WWC1: variants seen among roughly 807,000 people sequenced by gnomAD.
WWC1 encodes protein KIBRA.
Under a neutral mutation model 138.4 loss-of-function variants are expected in WWC1, and 55 were observed. The ratio of observed to expected loss-of-function variants is 0.40; its 90% confidence interval spans 0.32 to 0.50. WWC1 has a LOEUF of 0.50. Among genes scored for constraint, WWC1 ranks in the 20% least tolerant of loss-of-function variants. The pLI is 0.72. For synonymous variants in WWC1, 524 were observed against 564.9 expected, an observed-to-expected ratio of 0.93 and a Z score of 1.03; for missense variants, 1,226 against 1,420.4, an observed-to-expected ratio of 0.86 and a Z score of 2.20.
At chr5:168,414,768 A>G in intron 9 of WWC1, 178 bp downstream of exon 9, 6 of 940,084 alleles carry the variant, frequency 6.4e-6, no homozygotes, top group Non-Finnish European at 9.1e-6. Context: ...TTTGCCATCC[A>G]GTGCGCCAGC....
intron 9 of WWC1, among the ~76,000 whole-genome samples, chr5:168,417,740 G>C (rs899858219): frequency 6.6e-6 from 1 of 152,216 alleles, no homozygotes; most frequent in Non-Finnish European, 1.5e-5. Flanking sequence ...GCAGCTCGGA[G>C]GGCCTGGTAG....
chr5:168,454,807 T>C (rs1756160132), intron 18 of WWC1, among the ~76,000 whole-genome samples: 1 of 152,240 alleles, frequency 6.6e-6, no homozygotes, highest in Non-Finnish European at 1.5e-5. Context: ...ATAAAGGTAC[T>C]ATTTAGGCTG....
chr5:168,408,493 C>T lies in WWC1; in HGVS notation c.721-14C>T, dbSNP rs771548046. The T allele has an allele frequency of 1.7e-5, 27 of 1,613,582 alleles. No homozygotes were observed. Among genetic ancestry groups the T allele is most frequent in the Non-Finnish European group, 2.3e-5 (27 of 1,179,770 alleles). ...GGGAAGGCGCATCACTAACCCTGCT[C>T]TCCCCTCCTTCAGAGCCTTGCCATG... On this transcript the variant is annotated splice_polypyrimidine_tract_variant and intron_variant, in intron 6 of 22. Coordinates refer to ENST00000265293, the MANE Select transcript of WWC1 (RefSeq NM_015238.3).
intron 5 of WWC1, 114 bp from the exon 6 acceptor site, chr5:168,406,084 C>G (rs914107978): frequency 1.5e-6 from 2 of 1,331,398 alleles, no homozygotes; most frequent in African/African-American, 2.9e-5. Flanking sequence ...GTTAGCAGGA[C>G]AGAGGGAGGG....
At chr5:168,423,149 CAAAAA>C (rs773855632) in intron 10 of WWC1, among the ~76,000 whole-genome samples, 3 of 71,300 alleles carry the variant, frequency 4.2e-5, no homozygotes, top group South Asian at 5.5e-4. Flanking sequence ...CATCCCCCCC[CAAAAA>C]AAAAAAAAAA....
intron 2 of WWC1, among the ~76,000 whole-genome samples, chr5:168,374,346 G>A (rs1204250821): frequency 6.6e-6 from 1 of 152,190 alleles, no homozygotes; most frequent in African/African-American, 2.4e-5. Context: ...GCGAAGAAAG[G>A]GCCGTGGTAA....
intron 1 of WWC1, among the ~76,000 whole-genome samples, chr5:168,299,137 A>G (rs1487790195): frequency 6.6e-6 from 1 of 152,206 alleles, no homozygotes; most frequent in African/African-American, 2.4e-5. Flanking sequence ...TGTTGCATCC[A>G]GGACTGGAGC....
intron 1 of WWC1, among the ~76,000 whole-genome samples, chr5:168,324,264 T>C (rs1772353845): frequency 6.6e-6 from 1 of 152,090 alleles, no homozygotes; most frequent in Non-Finnish European, 1.5e-5. Context: ...GGAAACCCTG[T>C]CTCTACTAAA....
intron 3 of WWC1, among the ~76,000 whole-genome samples, chr5:168,393,881 T>C (rs1293568155): frequency 1.3e-5 from 2 of 152,140 alleles, no homozygotes; most frequent in Admixed American, 1.3e-4. Flanking sequence ...GTTGAATTAG[T>C]GGTAAGTTTG....
chr5:168,365,760 A>G (rs1776242930), intron 1 of WWC1, among the ~76,000 whole-genome samples: 1 of 152,218 alleles, frequency 6.6e-6, no homozygotes, highest in Non-Finnish European at 1.5e-5. Context: ...CCGTTTTTCC[A>G]GGAGGGCCTG....
At chr5:168,371,290 C>T in intron 1 of WWC1, 134 bp from the exon 2 acceptor site, 2 of 619,108 alleles carry the variant, frequency 3.2e-6, no homozygotes, top group Non-Finnish European at 5.9e-6. Flanking sequence ...GACAACAGAG[C>T]TGGTGCTGCT....
chr5:168,414,724 T>G, intron 9 of WWC1, 134 bp downstream of exon 9: 1 of 1,282,188 alleles, frequency 7.8e-7, no homozygotes, highest in Non-Finnish European at 1.0e-6. Context: ...CAGAGATCTC[T>G]CAGGTTGCCG....
chr5:168,441,421 T>A (rs1754747026), intron 15 of WWC1, among the ~76,000 whole-genome samples: 1 of 152,210 alleles, frequency 6.6e-6, no homozygotes, highest in Non-Finnish European at 1.5e-5. Flanking sequence ...AAGGTTTTTT[T>A]ATCACAGTTT....
intron 1 of WWC1, among the ~76,000 whole-genome samples, chr5:168,369,515 A>T (rs540444171): frequency 1.3e-5 from 2 of 152,120 alleles, no homozygotes; most frequent in East Asian, 3.9e-4. Context: ...CAGTTCTTCC[A>T]CCTCAGCCTC....
intron 15 of WWC1, among the ~76,000 whole-genome samples, chr5:168,435,319 C>T (rs1042088963): frequency 9.2e-5 from 14 of 152,176 alleles, no homozygotes; most frequent in Non-Finnish European, 1.6e-4. Flanking sequence ...GCAGCCATTC[C>T]GCTCTTTCCT....
At chr5:168,335,952 G>A (rs77184649) in intron 1 of WWC1, among the ~76,000 whole-genome samples, 1,763 of 152,296 alleles carry the variant, frequency 0.012, 34 homozygotes, top group African/African-American at 0.04. Context: ...GTGTCACTTA[G>A]AGCAAATCGC....
intron 3 of WWC1, among the ~76,000 whole-genome samples, chr5:168,394,414 A>C (rs1778732428): frequency 6.6e-6 from 1 of 152,252 alleles, no homozygotes; most frequent in African/African-American, 2.4e-5. Context: ...TAGTATTTAA[A>C]GTCCTGTTGG....
intron 3 of WWC1, among the ~76,000 whole-genome samples, chr5:168,388,910 C>T (rs1315078603): frequency 1.3e-5 from 2 of 151,900 alleles, no homozygotes; most frequent in East Asian, 3.9e-4. Context: ...CAGATTTTGC[C>T]ACCATTTCTA....
chr5:168,304,488 G>A lies in WWC1; in HGVS notation c.119+12217G>A, dbSNP rs1014937909. Among the ~76,000 whole-genome samples the A allele has an allele frequency of 3.3e-5, 5 of 152,316 alleles. No homozygotes were observed. The East Asian group carries it at 9.6e-4, about 29-fold the overall frequency. ...TTTCTTCAGCCTCTTCACTGGTCACGAGGCCCTCTAAGGTTTTTGCCCTCG... is the reference window on the plus strand; with the variant it reads ...TTTCTTCAGCCTCTTCACTGGTCACAAGGCCCTCTAAGGTTTTTGCCCTCG... On this transcript the variant is annotated intron_variant, in intron 1 of 22. Transcript: ENST00000265293.
Sources: gnomAD v4.1 joint callset for allele counts (sites outside exome capture counted in the v4.1 genomes callset) on GRCh38, gnomAD v4.1.1 for gene constraint, MANE v1.5 for transcripts, NCBI Gene and HGNC (gene_info 2026-07-23, HGNC 2026-07-21) for gene names.